The following HNF1B variants were observed in gnomAD, a reference collection of about 807,000 sequenced individuals.
The protein encoded by HNF1B is HNF1 homeobox B.
Under a neutral mutation model 61.7 loss-of-function variants are expected in HNF1B, and 8 were observed. The ratio of observed to expected loss-of-function variants is 0.13; its 90% CI spans 0.08 to 0.23. HNF1B has a LOEUF of 0.23. Ranked by LOEUF, HNF1B falls within the 10% of genes least tolerant of loss-of-function variation. The pLI, the probability that HNF1B is intolerant of heterozygous loss-of-function variation, is 1.00. For missense variants in HNF1B, 562 were observed against 714.5 expected, an observed-to-expected ratio of 0.79 and a Z score of 2.43; for synonymous variants, 314 against 287.7, an observed-to-expected ratio of 1.09 and a Z score of -0.93.
chr17:37,713,142 C>T (rs866789533), intron 4 of HNF1B, among the ~76,000 whole-genome samples: 5 of 152,102 alleles, frequency 3.3e-5, no homozygotes, highest in Non-Finnish European at 5.9e-5. Flanking sequence ...TTTACCTCCC[C>T]GAGAGGCTCT....
chr17:37,701,911 T>G (rs1373081804), intron 6 of HNF1B, among the ~76,000 whole-genome samples: 1 of 152,226 alleles, frequency 6.6e-6, no homozygotes, highest in Non-Finnish European at 1.5e-5. Context: ...CCCATCTTTC[T>G]GTTCTGGAGA....
At position 37,733,430 on chromosome 17, in the gene HNF1B, C is replaced by T. The variant is rs974662467; in HGVS notation, c.809+127G>A. ...TGATATTGGGGTTCTGTGGAACATACTTTGAGAAGCTCTGATTTAGCCACA... is the reference window on the plus strand; with the variant it reads ...TGATATTGGGGTTCTGTGGAACATATTTTGAGAAGCTCTGATTTAGCCACA... On this transcript the variant is annotated intron_variant, in intron 3 of 8. Coordinates refer to ENST00000617811, the MANE Select transcript of HNF1B (RefSeq NM_000458.4). 8.2e-6 allele frequency: 9 copies of T among 1,097,798 alleles called. No individual in the cohort carries two copies. The African/African-American group carries it at 1.2e-4, about 15-fold the overall frequency. The allele number at this position is 1,097,798 out of a possible 1,614,324, so 68.0% of individuals were successfully genotyped here. A position where few individuals can be genotyped will look rare whatever the true frequency, so the allele number is the denominator to read the frequency against.
chr17:37,721,269 T>C (rs2033304390), intron 4 of HNF1B, among the ~76,000 whole-genome samples: 1 of 151,984 alleles, frequency 6.6e-6, no homozygotes. Context: ...TGATCCCTAA[T>C]AAAGGTGGAA....
At chr17:37,688,887 C>T (rs138685404) in intron 8 of HNF1B, among the ~76,000 whole-genome samples, 36 of 152,284 alleles carry the variant, frequency 2.4e-4, no homozygotes, top group African/African-American at 7.9e-4. Context: ...TGCCTCACGC[C>T]TGTAATCCCA....
At chr17:37,728,309 C>T (rs1157681720) in intron 4 of HNF1B, among the ~76,000 whole-genome samples, 2 of 146,044 alleles carry the variant, frequency 1.4e-5, no homozygotes, top group Admixed American at 6.7e-5. Context: ...GCCCACAGAG[C>T]GTTTTTTTTT....
Position 37,710,533 on chromosome 17 carries a change from G to A in HNF1B, c.1176C>T (p.Gly392=). Residue 392 remains glycine (G), a synonymous_variant, in exon 5 of 9, where the codon GGC becomes GGT. Coordinates refer to ENST00000617811, the MANE Select transcript of HNF1B (RefSeq NM_000458.4). The part of the protein sequence containing the change: ...QQVSPASLDP[G]HNLLSPDGKM... The stretch of plus-strand genomic sequence containing the variant: ...TACCATCAGGTGAGAGGAGATTGTG[G>A]CCTGGGTCCAGGCTGGCTGGGGAGA... 1 of 1,614,200 alleles carries A rather than the reference G, an allele frequency of 6.2e-7. No homozygotes were observed. Among genetic ancestry groups the A allele is most frequent in the Non-Finnish European group, 8.5e-7 (1 of 1,180,022 alleles).
intron 8 of HNF1B, among the ~76,000 whole-genome samples, chr17:37,695,914 A>G (rs1036262007): frequency 6.6e-6 from 1 of 152,198 alleles, no homozygotes; most frequent in African/African-American, 2.4e-5. Flanking sequence ...TAATGCTGTA[A>G]TGAGTTAAGA....
At chr17:37,708,312 G>T (rs1376859690) in intron 5 of HNF1B, among the ~76,000 whole-genome samples, 1 of 152,200 alleles carries the variant, frequency 6.6e-6, no homozygotes. Flanking sequence ...CAAGAGAAAA[G>T]CCAGGCCCTG....
intron 4 of HNF1B, among the ~76,000 whole-genome samples, chr17:37,718,862 A>G (rs1410793388): frequency 6.6e-6 from 1 of 152,232 alleles, no homozygotes; most frequent in Non-Finnish European, 1.5e-5. Context: ...ACTCCACATC[A>G]CTTTCACCTT....
intron 8 of HNF1B, among the ~76,000 whole-genome samples, chr17:37,690,901 G>A (rs1439610173): frequency 6.6e-6 from 1 of 152,200 alleles, no homozygotes; most frequent in African/African-American, 2.4e-5. Flanking sequence ...AGGAACCATC[G>A]GCGTGTACAC....
At chr17:37,732,842 T>C (rs2033727438) in intron 3 of HNF1B, among the ~76,000 whole-genome samples, 1 of 123,526 alleles carries the variant, frequency 8.1e-6, no homozygotes, top group Non-Finnish European at 1.7e-5. Flanking sequence ...TGTTTTTTTG[T>C]TTTTTTGTTT....
chr17:37,713,421 G>T (rs553447335), intron 4 of HNF1B, among the ~76,000 whole-genome samples: 2 of 152,224 alleles, frequency 1.3e-5, no homozygotes, highest in South Asian at 4.1e-4. Context: ...AGCATGTCAG[G>T]AGAGACTCAA....
chr17:37,704,024 G>A (rs2032657710), intron 6 of HNF1B, among the ~76,000 whole-genome samples: 1 of 152,220 alleles, frequency 6.6e-6, no homozygotes, highest in African/African-American at 2.4e-5. Flanking sequence ...TGACCAATGT[G>A]TTACCCTTAG....
chr17:37,734,736 A>T (rs1054373717), intron 2 of HNF1B, among the ~76,000 whole-genome samples: 1 of 152,082 alleles, frequency 6.6e-6, no homozygotes, highest in African/African-American at 2.4e-5. Context: ...GAGCAAAGAC[A>T]CGTAATACAT....
intron 4 of HNF1B, among the ~76,000 whole-genome samples, chr17:37,716,842 ATCTCTCTCTCTCTCTCTC>A (rs55634127): frequency 1.1e-3 from 143 of 131,278 alleles, no homozygotes; most frequent in African/African-American, 1.9e-3. Context: ...CACTTTAACA[ATCTCTCTCTCTCTCTCTC>A]TCTCTCTCTC....
At chr17:37,703,413 GTA>G (rs72158174) in intron 6 of HNF1B, among the ~76,000 whole-genome samples, 3 of 150,224 alleles carry the variant, frequency 2.0e-5, no homozygotes, top group Non-Finnish European at 3.0e-5. Context: ...AATTCAGATA[GTA>G]TATATATATA....
intron 3 of HNF1B, among the ~76,000 whole-genome samples, chr17:37,732,071 A>G (rs1244450902): frequency 6.6e-6 from 1 of 152,186 alleles, no homozygotes; most frequent in Non-Finnish European, 1.5e-5. Context: ...CCTGGGAGTC[A>G]GGGGCTTAGG....
chr17:37,710,691 A>C (rs1396953185), intron 4 of HNF1B, 28 bp from the exon 5 acceptor site: 1 of 1,605,840 alleles, frequency 6.2e-7, no homozygotes, highest in Non-Finnish European at 8.5e-7. Flanking sequence ...CCCAGTAGGG[A>C]ACATTAGTGC....
intron 4 of HNF1B, among the ~76,000 whole-genome samples, chr17:37,722,223 G>A (rs1483025258): frequency 6.6e-6 from 1 of 152,148 alleles, no homozygotes; most frequent in African/African-American, 2.4e-5. Context: ...CCCTTGTCAA[G>A]AACCCAGGGA....
Sources: allele counts gnomAD v4.1 joint callset (sites outside exome capture counted in the v4.1 genomes callset), GRCh38; gene constraint gnomAD v4.1.1; transcripts MANE v1.5; gene names NCBI Gene and HGNC (gene_info 2026-07-23, HGNC 2026-07-21).